The following MANSC1 variants were observed in gnomAD, a reference collection of about 807,000 sequenced individuals.
MANSC1 encodes MANSC domain containing 1.
MANSC1 carries 13 observed loss-of-function variants against 14.1 expected under a neutral mutation model. The ratio of observed to expected loss-of-function variants is 0.92; its 90% CI spans 0.60 to 1.46. The LOEUF (loss-of-function observed/expected upper bound fraction) is 1.46. Ranked by LOEUF, MANSC1 falls within the 40% of genes most tolerant of loss-of-function variation. The pLI, the probability that MANSC1 is intolerant of heterozygous loss-of-function variation, is 0.00. For missense variants in MANSC1, 486 were observed against 511.4 expected, an observed-to-expected ratio of 0.95 and a Z score of 0.48; for synonymous variants, 227 against 200.7, an observed-to-expected ratio of 1.13 and a Z score of -1.11.
intron 1 of MANSC1, chr12:12,348,397 A>G (rs1184384129): frequency 2.0e-5 from 3 of 152,234 alleles, no homozygotes; most frequent in Non-Finnish European, 2.9e-5. Flanking sequence ...CTATCAAGCC[A>G]CAAAAAGACA....
Position 12,329,898 on chromosome 12 carries a change from A to G in MANSC1, c.*129T>C, listed in dbSNP as rs1862757619. The G allele has an allele frequency of 2.7e-6, 2 of 744,970 alleles. No homozygotes were observed. Among genetic ancestry groups the G allele is most frequent in the Non-Finnish European group, 4.2e-6 (2 of 471,082 alleles). The allele number at this position is 744,970 out of a possible 1,614,324, so 46.1% of individuals were successfully genotyped here. On this transcript the variant is annotated 3_prime_UTR_variant, in exon 4 of 4. Transcript: ENST00000535902. ...AAGACTCTGTCTCCAAAAAAAAAAA[A>G]GGAAAGCAGAAGGGGGCATTTTCCT...
Position 12,327,387 on chromosome 12 carries a change from A to T in MANSC1, c.*2640T>A, listed in dbSNP as rs1418466541. The T allele has an allele frequency of 6.6e-6, 1 of 152,190 alleles. No individual in the cohort carries two copies. The highest frequency in any genetic ancestry group is 2.4e-5 in the African/African-American group (1 of 41,394). 9.4% of individuals were successfully genotyped at this position (152,190 alleles called of 1,614,324 possible). ...CAGTAAGTAGAGAGAGCTGTGTGAGAAGAGCACTCTTTCCACTCCAGATGT... is the reference window on the plus strand; with the variant it reads ...CAGTAAGTAGAGAGAGCTGTGTGAGTAGAGCACTCTTTCCACTCCAGATGT... On this transcript the variant is annotated 3_prime_UTR_variant, in exon 4 of 4. Coordinates refer to ENST00000535902, the MANE Select transcript of MANSC1 (RefSeq NM_018050.4).
intron 2 of MANSC1, among the ~76,000 whole-genome samples, chr12:12,342,012 A>G (rs1322700322): frequency 6.6e-6 from 1 of 152,098 alleles, no homozygotes; most frequent in East Asian, 1.9e-4. Flanking sequence ...ACAAACAAAA[A>G]AGTCCACTGC....
chr12:12,335,358 C>T (rs11054818), intron 3 of MANSC1, among the ~76,000 whole-genome samples: 62,602 of 150,072 alleles, frequency 0.42, 14,533 homozygotes, highest in Middle Eastern at 0.6. Context: ...TTCTTCTCCC[C>T]GAGACAGAGT....
At chr12:12,342,645 G>A (rs556545636) in intron 2 of MANSC1, among the ~76,000 whole-genome samples, 1 of 137,580 alleles carries the variant, frequency 7.3e-6, no homozygotes, top group Non-Finnish European at 1.5e-5. Context: ...GGAAGGAGAC[G>A]AAGTGGAGGT....
intron 3 of MANSC1, among the ~76,000 whole-genome samples, chr12:12,332,621 G>A (rs61922023): frequency 0.099 from 15,082 of 151,966 alleles, 764 homozygotes; most frequent in Non-Finnish European, 0.11. Flanking sequence ...TCCAGATTCA[G>A]GCGATTCTCC....
chr12:12,340,545 G>A (rs968673242), intron 2 of MANSC1, among the ~76,000 whole-genome samples: 3 of 152,180 alleles, frequency 2.0e-5, no homozygotes, highest in Non-Finnish European at 2.9e-5. Context: ...TGTGCCCATC[G>A]TGTTATGTGC....
chr12:12,329,832 G>A lies in MANSC1; in HGVS notation c.*195C>T, dbSNP rs746513915. 1.8e-6 allele frequency: 1 copy of A among 549,242 alleles called. No homozygotes were observed. Among genetic ancestry groups the A allele is most frequent in the Non-Finnish European group, 3.2e-6 (1 of 312,620 alleles). 34.0% of individuals were successfully genotyped at this position (549,242 alleles called of 1,614,324 possible). A position where few individuals can be genotyped will look rare whatever the true frequency, so the allele number is the denominator to read the frequency against. ...CCAGGAGACGGAGGTTGCGGTGAGA[G>A]CCGAGATCGTGCTACTGCACTCCAG... On this transcript the variant is annotated 3_prime_UTR_variant, in exon 4 of 4. Coordinates refer to ENST00000535902, the MANE Select transcript of MANSC1 (RefSeq NM_018050.4).
rs530181183 is a variant in MANSC1, at chr12:12,340,900, A to T, written c.223+2192T>A. 9.2e-5 allele frequency among the ~76,000 whole-genome samples: 14 copies of T among 152,320 alleles called. No individual in the cohort carries two copies. In the South Asian group the frequency reaches 2.5e-3, roughly 27 times the overall value. On this transcript the variant is annotated intron_variant, in intron 2 of 3. Transcript: ENST00000535902. ...TCTGTCATTTCCATAAATTACTTGCATAAAGTGTCCCAAAGCACACTGCTC... is the reference window on the plus strand; with the variant it reads ...TCTGTCATTTCCATAAATTACTTGCTTAAAGTGTCCCAAAGCACACTGCTC...
intron 3 of MANSC1, 149 bp from the exon 4 acceptor site, chr12:12,331,107 T>C (rs1862784326): frequency 1.7e-6 from 1 of 589,958 alleles, no homozygotes. Flanking sequence ...TTTGGGAGGC[T>C]AAGGCAGGAG....
In MANSC1 at chr12:12,338,579, T is replaced by A; in HGVS notation, c.224-19A>T. 6.2e-7 allele frequency: 1 copy of A among 1,606,322 alleles called. No homozygotes were observed. The highest frequency in any genetic ancestry group is 1.1e-5 in the South Asian group (1 of 89,034). ...TTGTCCCCTGCAATGAAAGGTTTCA[T>A]AAGCATGATTTTGAAATGCGATTTT... On this transcript the variant is annotated intron_variant, in intron 2 of 3. Transcript: ENST00000535902.
At chr12:12,348,961 A>G (rs1252323719) in intron 1 of MANSC1, among the ~76,000 whole-genome samples, 1 of 152,190 alleles carries the variant, frequency 6.6e-6, no homozygotes, top group Non-Finnish European at 1.5e-5. Context: ...GTGCTTCTTT[A>G]TTAACCTATT....
At chr12:12,342,033 C>T (rs1012540301) in intron 2 of MANSC1, among the ~76,000 whole-genome samples, 1 of 152,152 alleles carries the variant, frequency 6.6e-6, no homozygotes, top group Non-Finnish European at 1.5e-5. Context: ...AGCCTCAACC[C>T]CCTAGGATCA....
chr12:12,343,099 G>A lies in MANSC1; in HGVS notation c.216C>T (p.Asn72=), dbSNP rs1479455389. The A allele has an allele frequency of 2.4e-5, 38 of 1,611,500 alleles. No homozygotes were observed. Among genetic ancestry groups the A allele is most frequent in the Middle Eastern group, 1.7e-4 (1 of 6,012 alleles). ...DCINSCCSTK[N]ISGDKACNLM... ...CAAGAAACCACTATTTACCTGATAT[G>A]TTTTTTGTTGAACAGCAAGAATTAA... The change falls in exon 2 of 4, where the codon AAC becomes AAT. Residue 72 remains asparagine, a synonymous_variant. Coordinates refer to ENST00000535902, the MANE Select transcript of MANSC1 (RefSeq NM_018050.4).
In MANSC1 at chr12:12,326,193, C is replaced by T. The variant is rs1311370140; in HGVS notation, c.*3834G>A. 6.6e-6 allele frequency: 1 copy of T among 152,196 alleles called. No homozygotes were observed. Among genetic ancestry groups the T allele is most frequent in the African/African-American group, 2.4e-5 (1 of 41,436 alleles). 9.4% of individuals were successfully genotyped at this position (152,196 alleles called of 1,614,324 possible). On this transcript the variant is annotated 3_prime_UTR_variant, in exon 4 of 4. Transcript: ENST00000535902. ...GTACCCACTGCCACGCTCAGTGTGG[C>T]AGTGCCTTCTCCCCTCATCATGGCA...
chr12:12,343,945 C>G (rs1862971285), intron 1 of MANSC1, among the ~76,000 whole-genome samples: 1 of 151,988 alleles, frequency 6.6e-6, no homozygotes, highest in African/African-American at 2.4e-5. Context: ...AACCCTGTCT[C>G]TACTAAAAAT....
rs929518813 is a variant in MANSC1, at chr12:12,326,909, C to G, written c.*3118G>C. 2 of 152,304 alleles carry G rather than the reference C, an allele frequency of 1.3e-5. No homozygotes were observed. The highest frequency in any genetic ancestry group is 2.9e-5 in the Non-Finnish European group (2 of 68,148). 9.4% of individuals were successfully genotyped at this position (152,304 alleles called of 1,614,324 possible). A position where few individuals can be genotyped will look rare whatever the true frequency, so the allele number is the denominator to read the frequency against. On this transcript the variant is annotated 3_prime_UTR_variant, in exon 4 of 4. Transcript: ENST00000535902. The stretch of plus-strand genomic sequence containing the variant: ...CACTGCAACCGCCCCCTCCCGGCCT[C>G]AAGCAATTATCCTACCTCAGCCTCC...
chr12:12,330,608 A>G lies in MANSC1; in HGVS notation c.715T>C (p.Ser239Pro), dbSNP rs1862773272. The stretch of plus-strand genomic sequence containing the variant: ...AGGGTGGCGGGCTTTGGAGTAGCCG[A>G]GGTGGTATGTGGAGAAGCAACTGCC... Reference protein sequence around the residue: ...TVAVASPHTTSATPKPATLLP... With the variant: ...TVAVASPHTTPATPKPATLLP... Residue 239 changes from serine (S) to proline (P), a missense_variant, in exon 4 of 4, where the codon TCG becomes CCG. Ser to Pro is a moderately conservative substitution (Grantham distance 74). Coordinates refer to ENST00000535902, the MANE Select transcript of MANSC1 (RefSeq NM_018050.4). The G allele has an allele frequency of 3.1e-6, 5 of 1,614,008 alleles. No homozygotes were observed. The highest frequency in any genetic ancestry group is 4.2e-6 in the Non-Finnish European group (5 of 1,180,016).
At chr12:12,344,073 A>T (rs1185805830) in intron 1 of MANSC1, among the ~76,000 whole-genome samples, 1 of 152,074 alleles carries the variant, frequency 6.6e-6, no homozygotes, top group African/African-American at 2.4e-5. Flanking sequence ...TGATTACACC[A>T]CTGCACTCCA....
Sources: gnomAD v4.1 joint callset for allele counts (sites outside exome capture counted in the v4.1 genomes callset) on GRCh38, gnomAD v4.1.1 for gene constraint, MANE v1.5 for transcripts, NCBI Gene and HGNC (gene_info 2026-07-23, HGNC 2026-07-21) for gene names.